The following KTN1 variants were observed in gnomAD, a reference collection of about 807,000 sequenced individuals.
The protein encoded by KTN1 is kinectin 1.
Under a neutral mutation model 222.5 loss-of-function variants are expected in KTN1, and 130 were observed. That is an observed-to-expected ratio of 0.58 (90% confidence interval 0.51 to 0.68). The LOEUF (loss-of-function observed/expected upper bound fraction) is 0.68. Among genes scored for constraint, KTN1 ranks in the 30% least tolerant of loss-of-function variants. KTN1 has a pLI of 0.00. For missense variants in KTN1, 1,508 were observed against 1,500.4 expected (o/e 1.01, Z -0.08); for synonymous variants, 512 against 496.3 (o/e 1.03, Z -0.42).
intron 1 of KTN1, among the ~76,000 whole-genome samples, chr14:55,593,299 A>C (rs1003773247): frequency 6.6e-5 from 10 of 151,970 alleles, no homozygotes; most frequent in Non-Finnish European, 1.3e-4. Flanking sequence ...TTTCTCATTA[A>C]ATTTCTTGCT....
intron 13 of KTN1, 36 bp from the exon 14 acceptor site, chr14:55,639,877 T>A: frequency 3.1e-6 from 4 of 1,281,826 alleles, no homozygotes; most frequent in Non-Finnish European, 4.5e-6. Context: ...GACTTCTGAA[T>A]GTTTATTGAA....
chr14:55,639,887 A>G (rs2140991677), intron 13 of KTN1, 26 bp from the exon 14 acceptor site: 1 of 1,348,062 alleles, frequency 7.4e-7, no homozygotes, highest in Non-Finnish European at 1.1e-6. Context: ...TGTTTATTGA[A>G]TGTACAAATG....
Position 55,619,255 on chromosome 14 carries a change from T to C in KTN1, c.906T>C (p.Leu302=), listed in dbSNP as rs2038806306. 2 of 1,612,616 alleles carry C rather than the reference T, an allele frequency of 1.2e-6. No individual in the cohort carries two copies. The highest frequency in any genetic ancestry group is 1.7e-6 in the Non-Finnish European group (2 of 1,178,734). Reference sequence around the variant, plus strand: ...TGATGTTTTCTGAAGATGAGGCTCTTTGTGTTGTAGACTTGCTAAAGGAGA... The same window carrying C: ...TGATGTTTTCTGAAGATGAGGCTCTCTGTGTTGTAGACTTGCTAAAGGAGA... ...KTMMFSEDEA[L]CVVDLLKEKS... is the part of the protein sequence containing the mutation. Residue 302 remains leucine (L), a synonymous_variant, in exon 5 of 44, where the codon CTT becomes CTC. Transcript: ENST00000395314.
At chr14:55,672,772 A>G (rs751766523) in intron 38 of KTN1, 71 bp downstream of exon 38, 43 of 1,130,646 alleles carry the variant, frequency 3.8e-5, no homozygotes, top group African/African-American at 1.4e-4. Flanking sequence ...CTGAAGATCT[A>G]TAGTTTAAGA....
chr14:55,612,603 A>T, intron 2 of KTN1, 32 bp downstream of exon 2: 1 of 1,514,928 alleles, frequency 6.6e-7, no homozygotes, highest in Non-Finnish European at 8.8e-7. Flanking sequence ...ATTTAATTTT[A>T]TTGTATGATT....
At chr14:55,606,438 G>GT (rs1424988891) in intron 1 of KTN1, among the ~76,000 whole-genome samples, 1 of 151,864 alleles carries the variant, frequency 6.6e-6, no homozygotes, top group Non-Finnish European at 1.5e-5. Context: ...GATTTGTTAA[G>GT]TTTTTGCTAA....
intron 1 of KTN1, among the ~76,000 whole-genome samples, chr14:55,599,585 C>A (rs534445345): frequency 6.6e-6 from 1 of 152,282 alleles, no homozygotes; most frequent in African/African-American, 2.4e-5. Context: ...AGCGATTCTC[C>A]TGCCTCAGCC....
chr14:55,589,423 C>A (rs1402705534), intron 1 of KTN1, among the ~76,000 whole-genome samples: 1 of 151,806 alleles, frequency 6.6e-6, no homozygotes, highest in Admixed American at 6.6e-5. Flanking sequence ...TCAAGCGATT[C>A]TACTGCCTCC....
rs372815686 is a variant in KTN1 at position 55,673,181 on chromosome 14, C to G, written c.3697C>G (p.Leu1233Val). The change falls in exon 40 of 44, where the codon CTG becomes GTG. Residue 1233 changes from leucine (L) to valine (V), a missense_variant. Physicochemically the swap from Leu to Val is conservative, Grantham distance 32. Coordinates refer to ENST00000395314, the MANE Select transcript of KTN1 (RefSeq NM_001079521.2). ...YVTEVRELKD[L>V]LTELQKKLDD... ...CTAAACTTCATTGCAGCTGAAAGATCTGTTGACTGAATTGCAGAAAAAACT... is the reference window on the plus strand; with the variant it reads ...CTAAACTTCATTGCAGCTGAAAGATGTGTTGACTGAATTGCAGAAAAAACT... 1.2e-6 allele frequency: 2 copies of G among 1,612,068 alleles called. No homozygotes were observed. The highest frequency in any genetic ancestry group is 1.3e-5 in the African/African-American group (1 of 74,880).
At position 55,650,094 on chromosome 14, in the gene KTN1, A is replaced by G. The variant is rs183581068; in HGVS notation, c.2406-234A>G. Among the ~76,000 whole-genome samples, 6 of 152,074 alleles carry G rather than the reference A, an allele frequency of 3.9e-5. No homozygotes were observed. In the East Asian group the frequency reaches 1.2e-3, roughly 29 times the overall value. On this transcript the variant is annotated intron_variant, in intron 22 of 43. Transcript: ENST00000395314. The stretch of plus-strand genomic sequence containing the variant: ...CTGTATTCCTCAGGGTACAAATCTT[A>G]TATTTCTGATGTACTTCTGAAGCAC...
chr14:55,662,141 A>G (rs1440837670), intron 32 of KTN1, among the ~76,000 whole-genome samples: 1 of 145,074 alleles, frequency 6.9e-6, no homozygotes, highest in Non-Finnish European at 1.5e-5. Flanking sequence ...AACTTGGCTC[A>G]CTGCAAACTC....
chr14:55,593,413 T>A (rs1440351160), intron 1 of KTN1, among the ~76,000 whole-genome samples: 2 of 149,144 alleles, frequency 1.3e-5, no homozygotes, highest in African/African-American at 2.5e-5. Context: ...ATTTTTGAAT[T>A]TACTAATTGA....
At chr14:55,590,905 AC>A (rs1302444124) in intron 1 of KTN1, among the ~76,000 whole-genome samples, 1 of 151,938 alleles carries the variant, frequency 6.6e-6, no homozygotes, top group East Asian at 1.9e-4. Flanking sequence ...CGATCTCCTG[AC>A]CTTGTGATCC....
chr14:55,606,722 G>A (rs529466296), intron 1 of KTN1, among the ~76,000 whole-genome samples: 4 of 152,072 alleles, frequency 2.6e-5, no homozygotes, highest in Admixed American at 2.6e-4. Flanking sequence ...TAAAAGTTTA[G>A]TACTGTGCAT....
intron 43 of KTN1, 55 bp from the exon 44 acceptor site, chr14:55,684,044 T>G: frequency 6.6e-7 from 1 of 1,519,980 alleles, no homozygotes; most frequent in Non-Finnish European, 9.0e-7. Flanking sequence ...TGTCTTCTGA[T>G]TGCCTTCTGT....
At chr14:55,634,942 A>G (rs959081392) in intron 9 of KTN1, among the ~76,000 whole-genome samples, 1 of 152,098 alleles carries the variant, frequency 6.6e-6, no homozygotes, top group Admixed American at 6.5e-5. Flanking sequence ...AGATCTCACT[A>G]TTACAAGAAC....
intron 10 of KTN1, among the ~76,000 whole-genome samples, chr14:55,636,986 A>T (rs1184028262): frequency 6.6e-6 from 1 of 151,990 alleles, no homozygotes; most frequent in Non-Finnish European, 1.5e-5. Context: ...CATCTGGGAG[A>T]TAATGGAGTA....
intron 1 of KTN1, among the ~76,000 whole-genome samples, chr14:55,582,188 G>A (rs78826571): frequency 0.06 from 9,196 of 152,116 alleles, 383 homozygotes; most frequent in South Asian, 0.09. Context: ...ATGATTCAGC[G>A]TCAGCATTAT....
chr14:55,626,487 C>T (rs1275866500), intron 5 of KTN1, among the ~76,000 whole-genome samples: 1 of 152,038 alleles, frequency 6.6e-6, no homozygotes, highest in African/African-American at 2.4e-5. Flanking sequence ...ACAGTTTTTT[C>T]CTGCTGTGTG....
Sources: gnomAD v4.1 joint callset for allele counts (sites outside exome capture counted in the v4.1 genomes callset) on GRCh38, gnomAD v4.1.1 for gene constraint, MANE v1.5 for transcripts, NCBI Gene and HGNC (gene_info 2026-07-23, HGNC 2026-07-21) for gene names.